Variants in CAMTA1 observed in about 807,000 individuals in gnomAD.
CAMTA1 encodes the protein calmodulin-binding transcription activator 1.
Under a neutral mutation model 170.9 loss-of-function variants are expected in CAMTA1, and 27 were observed. That is an observed-to-expected ratio of 0.16 (90% CI 0.12 to 0.22). The LOEUF is 0.22. Ranked by LOEUF, CAMTA1 falls within the 10% of genes least tolerant of loss-of-function variation. The pLI, the probability that CAMTA1 is intolerant of heterozygous loss-of-function variation, is 1.00. For synonymous variants in CAMTA1, 833 were observed against 891.5 expected, an observed-to-expected ratio of 0.93 and a Z score of 1.17; for missense variants, 1,619 against 2,217.2, an observed-to-expected ratio of 0.73 and a Z score of 5.42.
At chr1:6,940,153 A>G (rs1247334093) in intron 3 of CAMTA1, among the ~76,000 whole-genome samples, 1 of 152,260 alleles carries the variant, frequency 6.6e-6, no homozygotes, top group African/African-American at 2.4e-5. Flanking sequence ...CAGGACCCCT[A>G]CTATATATAT....
chr1:7,189,183 G>T (rs1353902104), intron 4 of CAMTA1, among the ~76,000 whole-genome samples: 1 of 152,096 alleles, frequency 6.6e-6, no homozygotes, highest in East Asian at 1.9e-4. Context: ...CTTTCTGTGT[G>T]GTTTCTAACA....
intron 6 of CAMTA1, among the ~76,000 whole-genome samples, chr1:7,598,813 C>A (rs527327014): frequency 1.5e-4 from 22 of 151,522 alleles, no homozygotes; most frequent in Non-Finnish European, 2.8e-4. Flanking sequence ...AAATTTGTTT[C>A]AGTTCATTGT....
chr1:7,336,399 C>G (rs562311830), intron 5 of CAMTA1, among the ~76,000 whole-genome samples: 1 of 152,314 alleles, frequency 6.6e-6, no homozygotes, highest in Admixed American at 6.5e-5. Context: ...ACTTGCAAAC[C>G]CAGACCAGGC....
At chr1:6,892,298 C>G (rs769504962) in intron 3 of CAMTA1, among the ~76,000 whole-genome samples, 1 of 152,190 alleles carries the variant, frequency 6.6e-6, no homozygotes, top group Non-Finnish European at 1.5e-5. Flanking sequence ...TCATCCTCTT[C>G]CTGACATTGA....
At chr1:7,746,131 G>C in intron 18 of CAMTA1, 40 bp downstream of exon 18, 1 of 1,599,562 alleles carries the variant, frequency 6.3e-7, no homozygotes, top group Non-Finnish European at 8.6e-7. Context: ...ACATTCTTAA[G>C]ATCAGAGAGG....
intron 3 of CAMTA1, among the ~76,000 whole-genome samples, chr1:6,924,046 G>T (rs1236520815): frequency 6.6e-6 from 1 of 152,190 alleles, no homozygotes; most frequent in African/African-American, 2.4e-5. Context: ...GAAAATGGAG[G>T]CTTACCCAGA....
chr1:6,876,374 T>A (rs1669884549), intron 3 of CAMTA1, among the ~76,000 whole-genome samples: 2 of 151,854 alleles, frequency 1.3e-5, no homozygotes, highest in East Asian at 3.9e-4. Flanking sequence ...AATTTTTTTT[T>A]TTTTGAGACG....
chr1:7,465,466 G>A (rs2093188722), intron 5 of CAMTA1, among the ~76,000 whole-genome samples: 1 of 146,198 alleles, frequency 6.8e-6, no homozygotes, highest in South Asian at 2.1e-4. Context: ...CCACCATCCA[G>A]GGACCACGCT....
At position 7,733,795 on chromosome 1, in the gene CAMTA1, T is replaced by C. The variant is rs2096751052; in HGVS notation, c.3066+1196T>C. Among the ~76,000 whole-genome samples the C allele has an allele frequency of 2.0e-5, 3 of 152,334 alleles. No homozygotes were observed. In the South Asian group the frequency reaches 6.2e-4, roughly 32 times the overall value. On this transcript the variant is annotated intron_variant, in intron 12 of 22. Coordinates refer to ENST00000303635, the MANE Select transcript of CAMTA1 (RefSeq NM_015215.4). ...ACCTCATAAATATCAAGTTTAGTTA[T>C]ATTTTAAATAATAGGTTAAAAGAAC...
At chr1:7,743,887 C>T (rs915795883) in intron 16 of CAMTA1, among the ~76,000 whole-genome samples, 4 of 150,108 alleles carry the variant, frequency 2.7e-5, no homozygotes, top group African/African-American at 4.9e-5. Context: ...AGTGCAGTGG[C>T]GCGATCTTGG....
intron 6 of CAMTA1, among the ~76,000 whole-genome samples, chr1:7,480,202 T>C (rs2093496470): frequency 2.6e-5 from 2 of 76,254 alleles, no homozygotes; most frequent in East Asian, 6.8e-4. Context: ...TGTGCATGTG[T>C]GTGAGTGCAT....
At chr1:7,715,221 G>A (rs2096599992) in intron 11 of CAMTA1, among the ~76,000 whole-genome samples, 1 of 152,170 alleles carries the variant, frequency 6.6e-6, no homozygotes, top group Non-Finnish European at 1.5e-5. Context: ...GGGGGGAAGA[G>A]CAGAGAACAG....
chr1:6,891,617 A>G (rs965080733), intron 3 of CAMTA1, among the ~76,000 whole-genome samples: 1 of 152,224 alleles, frequency 6.6e-6, no homozygotes, highest in Non-Finnish European at 1.5e-5. Flanking sequence ...TCTCATAGCT[A>G]CTTCTCAAGC....
intron 5 of CAMTA1, among the ~76,000 whole-genome samples, chr1:7,400,101 C>G (rs770198010): frequency 4.6e-5 from 7 of 152,190 alleles, no homozygotes; most frequent in Non-Finnish European, 1.0e-4. Context: ...CTGAAAACCT[C>G]ATAATGAAGA....
chr1:7,200,091 CCATTTGTATAT>C (rs1238241157), intron 4 of CAMTA1, among the ~76,000 whole-genome samples: 1 of 152,070 alleles, frequency 6.6e-6, no homozygotes, highest in Non-Finnish European at 1.5e-5. Context: ...CATACAAGTA[CCATTTGTATAT>C]CATTCGCCAG....
chr1:7,683,668 G>A lies in CAMTA1; in HGVS notation c.2914+5935G>A, dbSNP rs1034083771. On this transcript the variant is annotated intron_variant, in intron 11 of 22. Coordinates refer to ENST00000303635, the MANE Select transcript of CAMTA1 (RefSeq NM_015215.4). Reference sequence around the variant, plus strand: ...GTGACAGAAGCAGCTGGCGTGAGCCGGTCTTGCACTCGGGACCTGAGGCTG... The same window carrying A: ...GTGACAGAAGCAGCTGGCGTGAGCCAGTCTTGCACTCGGGACCTGAGGCTG... Among the ~76,000 whole-genome samples, 6 of 152,190 alleles carry A rather than the reference G, an allele frequency of 3.9e-5. No individual in the cohort carries two copies. In the East Asian group the frequency reaches 5.8e-4, roughly 15 times the overall value.
intron 3 of CAMTA1, among the ~76,000 whole-genome samples, chr1:7,073,685 A>G (rs1046012411): frequency 6.6e-6 from 1 of 152,216 alleles, no homozygotes; most frequent in Non-Finnish European, 1.5e-5. Context: ...ATTAAGATTA[A>G]GAATTTGCCA....
intron 3 of CAMTA1, among the ~76,000 whole-genome samples, chr1:7,074,394 A>G (rs1639032929): frequency 6.6e-6 from 1 of 152,242 alleles, no homozygotes; most frequent in Non-Finnish European, 1.5e-5. Context: ...ATAAAAACAC[A>G]TACTAATTGT....
chr1:7,421,343 G>A (rs1397064080), intron 5 of CAMTA1, among the ~76,000 whole-genome samples: 2 of 152,004 alleles, frequency 1.3e-5, no homozygotes, highest in Non-Finnish European at 2.9e-5. Context: ...TAGTAGAGAC[G>A]GGGTCTTGCC....
Sources: allele counts gnomAD v4.1 joint callset (sites outside exome capture counted in the v4.1 genomes callset), GRCh38; gene constraint gnomAD v4.1.1; transcripts MANE v1.5; gene names NCBI Gene and HGNC (gene_info 2026-07-23, HGNC 2026-07-21).